Variants in INPP4B observed in about 807,000 individuals in gnomAD.
INPP4B encodes inositol polyphosphate 4-phosphatase type II.
INPP4B carries 55 observed loss-of-function variants against 122.5 expected under a neutral mutation model. The ratio of observed to expected loss-of-function variants is 0.45; its 90% confidence interval spans 0.36 to 0.56. INPP4B has a LOEUF of 0.56. Among genes scored for constraint, INPP4B ranks in the 20% least tolerant of loss-of-function variants. The pLI is 0.00. For missense variants in INPP4B, 1,000 were observed against 1,097.7 expected, an observed-to-expected ratio of 0.91 and a Z score of 1.26; for synonymous variants, 403 against 388.7, an observed-to-expected ratio of 1.04 and a Z score of -0.43.
intron 1 of INPP4B, among the ~76,000 whole-genome samples, chr4:142,758,999 G>C (rs1258484715): frequency 6.6e-6 from 1 of 151,166 alleles, no homozygotes; most frequent in Non-Finnish European, 1.5e-5. Flanking sequence ...TCACTGTGTA[G>C]ATAACAACTG....
rs188391509 is a variant in INPP4B at position 142,754,257 on chromosome 4, A to G, written c.-253-28356T>C. On this transcript the variant is annotated intron_variant, in intron 1 of 25. Transcript: ENST00000262992. ...GGGTTTCTTTTGCACTCAATTTCTC[A>G]AGTAAATGAGTCATGCTGTTCTCCA... Among the ~76,000 whole-genome samples the G allele has an allele frequency of 2.5e-3, 377 of 152,106 alleles. 5 individuals are homozygous for G. Among genetic ancestry groups the G allele is most frequent in the East Asian group, 0.018 (95 of 5,176 alleles).
intron 7 of INPP4B, among the ~76,000 whole-genome samples, chr4:142,374,494 A>AATT: frequency 6.6e-6 from 1 of 151,986 alleles, no homozygotes; most frequent in East Asian, 1.9e-4. Context: ...AATTTTTGAG[A>AATT]TGGTATGGGA....
intron 2 of INPP4B, among the ~76,000 whole-genome samples, chr4:142,478,756 G>A (rs969140043): frequency 6.6e-6 from 1 of 151,978 alleles, no homozygotes; most frequent in East Asian, 1.9e-4. Context: ...TCTTTTTTCT[G>A]CTGTGATTCT....
intron 10 of INPP4B, among the ~76,000 whole-genome samples, chr4:142,267,072 T>A (rs1456509221): frequency 6.6e-6 from 1 of 152,106 alleles, no homozygotes; most frequent in Non-Finnish European, 1.5e-5. Context: ...CACAGATAAA[T>A]AGAAAAGTAT....
intron 2 of INPP4B, among the ~76,000 whole-genome samples, chr4:142,649,768 T>C (rs1432301619): frequency 6.6e-6 from 1 of 152,028 alleles, no homozygotes; most frequent in African/African-American, 2.4e-5. Context: ...ATGGGGAGAA[T>C]GGATCCAAGT....
At chr4:142,057,842 C>T (rs1259025695) in intron 25 of INPP4B, among the ~76,000 whole-genome samples, 1 of 152,082 alleles carries the variant, frequency 6.6e-6, no homozygotes, top group Non-Finnish European at 1.5e-5. Flanking sequence ...TTTTATCTAT[C>T]TATATAGCTA....
intron 2 of INPP4B, among the ~76,000 whole-genome samples, chr4:142,581,951 A>G (rs938727617): frequency 6.6e-5 from 10 of 152,016 alleles, no homozygotes; most frequent in Non-Finnish European, 1.3e-4. Flanking sequence ...GAAGAAAATT[A>G]ATCACAGCGT....
intron 2 of INPP4B, among the ~76,000 whole-genome samples, chr4:142,580,611 C>T (rs1443060500): frequency 6.6e-6 from 1 of 151,900 alleles, no homozygotes; most frequent in Non-Finnish European, 1.5e-5. Flanking sequence ...TTTATGTGGT[C>T]CATTTTTGGT....
At chr4:142,565,697 T>C (rs1192260959) in intron 2 of INPP4B, among the ~76,000 whole-genome samples, 1 of 152,132 alleles carries the variant, frequency 6.6e-6, no homozygotes, top group Non-Finnish European at 1.5e-5. Context: ...TATTTTCCCA[T>C]GAGATACTTA....
At chr4:142,461,867 A>G (rs1816812809) in intron 3 of INPP4B, among the ~76,000 whole-genome samples, 1 of 152,106 alleles carries the variant, frequency 6.6e-6, no homozygotes, top group Non-Finnish European at 1.5e-5. Context: ...GAAAGCATCT[A>G]TATTCAGGGG....
intron 5 of INPP4B, among the ~76,000 whole-genome samples, chr4:142,414,025 A>C (rs771205796): frequency 5.3e-5 from 8 of 152,260 alleles, no homozygotes; most frequent in Admixed American, 3.3e-4. Context: ...TGCAAGAGGG[A>C]ATTTAAGAGA....
At chr4:142,106,019 G>T (rs918702516) in intron 23 of INPP4B, among the ~76,000 whole-genome samples, 1 of 152,040 alleles carries the variant, frequency 6.6e-6, no homozygotes, top group Admixed American at 6.6e-5. Context: ...CATCATAATT[G>T]TATAGATTGG....
chr4:142,483,622 G>T (rs1220986852), intron 2 of INPP4B, among the ~76,000 whole-genome samples: 2 of 152,166 alleles, frequency 1.3e-5, no homozygotes, highest in East Asian at 3.9e-4. Context: ...CAGGATGAAA[G>T]AAATGATATG....
intron 1 of INPP4B, among the ~76,000 whole-genome samples, chr4:142,753,239 C>A (rs1769996136): frequency 1.3e-5 from 2 of 152,062 alleles, no homozygotes; most frequent in Admixed American, 1.3e-4. Flanking sequence ...AATTTTATTT[C>A]AAATGCTTAC....
At chr4:142,550,781 A>C (rs1727804815) in intron 2 of INPP4B, among the ~76,000 whole-genome samples, 1 of 152,074 alleles carries the variant, frequency 6.6e-6, no homozygotes, top group Admixed American at 6.6e-5. Context: ...TTTCCACAAA[A>C]GCCCAGTCTA....
In INPP4B at chr4:142,294,829, CAAAAAAAAAA is replaced by C. The variant is rs57430432; in HGVS notation, c.503+10619_503+10628del. Reference sequence around the variant, plus strand: ...CGGGCGACAGAGCGAGACTCCGTCTCAAAAAAAAAAAAAAAAAAAAAAAAAAAGGCAGACT... The same window carrying C: ...CGGGCGACAGAGCGAGACTCCGTCTCAAAAAAAAAAAAAAAAAGGCAGACT... On this transcript the variant is annotated intron_variant, in intron 9 of 25. Transcript: ENST00000262992. Among the ~76,000 whole-genome samples, 212 of 28,476 alleles carry C rather than the reference CAAAAAAAAAA, an allele frequency of 7.4e-3. 3 individuals carry two copies. Among genetic ancestry groups the C allele is most frequent in the African/African-American group, 0.024 (197 of 8,250 alleles). The allele number at this position is 28,476 out of a possible 152,430, so 18.7% of individuals were successfully genotyped here.
At chr4:142,470,730 A>T (rs1173256960) in intron 2 of INPP4B, among the ~76,000 whole-genome samples, 4 of 152,224 alleles carry the variant, frequency 2.6e-5, no homozygotes, top group African/African-American at 9.6e-5. Flanking sequence ...TTCATCATTA[A>T]ATAAGTGTGA....
At chr4:142,634,156 GAATA>G (rs1159802784) in intron 2 of INPP4B, among the ~76,000 whole-genome samples, 3 of 152,088 alleles carry the variant, frequency 2.0e-5, no homozygotes, top group Non-Finnish European at 4.4e-5. Flanking sequence ...CCTAACATGT[GAATA>G]AATAGATAAT....
At chr4:142,769,518 GGTGT>G (rs1168789218) in intron 1 of INPP4B, among the ~76,000 whole-genome samples, 1 of 152,066 alleles carries the variant, frequency 6.6e-6, no homozygotes, top group East Asian at 1.9e-4. Flanking sequence ...ATGGCACATG[GGTGT>G]TTAATGATAT....
Sources: allele counts gnomAD v4.1 joint callset (sites outside exome capture counted in the v4.1 genomes callset), GRCh38; gene constraint gnomAD v4.1.1; transcripts MANE v1.5; gene names NCBI Gene and HGNC (gene_info 2026-07-23, HGNC 2026-07-21).